Variants in XPO4 observed in about 807,000 individuals in gnomAD.
XPO4 encodes the protein exportin 4, also known as exportin-4.
A neutral mutation model predicts 143.0 loss-of-function variants in XPO4; 39 were observed. The observed-to-expected ratio is 0.27, with a 90% CI of 0.21 to 0.36. The LOEUF (loss-of-function observed/expected upper bound fraction) is 0.36. Ranked by LOEUF, XPO4 falls within the 10% of genes least tolerant of loss-of-function variation. XPO4 has a pLI of 1.00. For missense variants in XPO4, 907 were observed against 1,348.0 expected, an observed-to-expected ratio of 0.67 and a Z score of 5.12; for synonymous variants, 439 against 474.0, an observed-to-expected ratio of 0.93 and a Z score of 0.96.
At chr13:20,788,713 A>G in intron 19 of XPO4, 97 bp from the exon 20 acceptor site, 1 of 1,199,718 alleles carries the variant, frequency 8.3e-7, no homozygotes, top group Non-Finnish European at 1.1e-6. Flanking sequence ...GCTTCTAAAT[A>G]TAATGATTTC....
At chr13:20,831,752 CT>C (rs2059854366) in intron 6 of XPO4, among the ~76,000 whole-genome samples, 1 of 151,034 alleles carries the variant, frequency 6.6e-6, no homozygotes, top group Non-Finnish European at 1.5e-5. Flanking sequence ...CTTACTTTAC[CT>C]TCCCATCCAT....
chr13:20,835,002 T>G (rs2059899542), intron 6 of XPO4, among the ~76,000 whole-genome samples: 1 of 152,102 alleles, frequency 6.6e-6, no homozygotes, highest in Non-Finnish European at 1.5e-5. Context: ...TAACTTAGTT[T>G]TTTGTTTGTT....
At chr13:20,879,041 AAAGCTAAAACAG>A in intron 1 of XPO4, 1 of 929,750 alleles carries the variant, frequency 1.1e-6, no homozygotes, top group Non-Finnish European at 1.3e-6. Context: ...GGAATCATCA[AAAGCTAAAACAG>A]AAGCGAACGC....
At chr13:20,846,358 G>A (rs9315918) in intron 4 of XPO4, among the ~76,000 whole-genome samples, 14,201 of 152,212 alleles carry the variant, frequency 0.093, 823 homozygotes, top group Non-Finnish European at 0.13. Flanking sequence ...GAGTGAAGGA[G>A]AGGGGCAGGG....
chr13:20,880,680 G>C (rs578196169), intron 1 of XPO4, among the ~76,000 whole-genome samples: 8 of 152,264 alleles, frequency 5.3e-5, no homozygotes, highest in African/African-American at 9.6e-5. Context: ...GAAGCGGTAG[G>C]GGGCAGTGGC....
At chr13:20,790,775 A>C (rs1290700151) in intron 18 of XPO4, among the ~76,000 whole-genome samples, 195 bp from the exon 19 acceptor site, 1 of 152,214 alleles carries the variant, frequency 6.6e-6, no homozygotes, top group African/African-American at 2.4e-5. Context: ...GGTGAAAAAA[A>C]GATCTGAGAC....
At chr13:20,810,082 T>A in intron 9 of XPO4, 115 bp from the exon 10 acceptor site, 1 of 827,390 alleles carries the variant, frequency 1.2e-6, no homozygotes, top group Non-Finnish European at 1.7e-6. Flanking sequence ...AGCTTCCCAA[T>A]TATTGATAAG....
At chr13:20,795,989 T>G in intron 18 of XPO4, 87 bp downstream of exon 18, 112 of 1,334,190 alleles carry the variant, frequency 8.4e-5, no homozygotes, top group Non-Finnish European at 1.1e-4. Context: ...AATTTCCTCA[T>G]GAGATGTCTC....
intron 1 of XPO4, among the ~76,000 whole-genome samples, chr13:20,884,288 G>C (rs2060440974): frequency 6.6e-6 from 1 of 152,184 alleles, no homozygotes; most frequent in African/African-American, 2.4e-5. Context: ...GCTGAAGCAG[G>C]ATTACTTGAG....
chr13:20,862,620 C>T (rs2060212220), intron 3 of XPO4, 97 bp downstream of exon 3: 4 of 1,498,538 alleles, frequency 2.7e-6, no homozygotes, highest in East Asian at 4.6e-5. Flanking sequence ...GCCACTATAC[C>T]CACCCAAAAG....
At chr13:20,829,454 G>A (rs978949280) in intron 6 of XPO4, among the ~76,000 whole-genome samples, 2 of 151,948 alleles carry the variant, frequency 1.3e-5, no homozygotes, top group Non-Finnish European at 2.9e-5. Context: ...AAATAAATGG[G>A]TTCACATAAC....
rs184767516 is a variant in XPO4, at chr13:20,880,665, G to A, written c.70-11964C>T. On this transcript the variant is annotated intron_variant, in intron 1 of 22. Transcript: ENST00000255305. Reference sequence around the variant, plus strand: ...ATGGAATATTCTTCAGAAATAAAAAGGAATGAAGCGGTAGGGGGCAGTGGC... The same window carrying A: ...ATGGAATATTCTTCAGAAATAAAAAAGAATGAAGCGGTAGGGGGCAGTGGC... Among the ~76,000 whole-genome samples, 597 of 152,222 alleles carry A rather than the reference G, an allele frequency of 3.9e-3. 3 individuals are homozygous for A. Among genetic ancestry groups the A allele is most frequent in the African/African-American group, 0.014 (566 of 41,538 alleles).
chr13:20,863,867 T>C (rs1220966677), intron 2 of XPO4, among the ~76,000 whole-genome samples: 4 of 152,298 alleles, frequency 2.6e-5, no homozygotes, highest in South Asian at 2.1e-4. Flanking sequence ...TGAAGATATA[T>C]ACAGTCAAGC....
At chr13:20,816,179 T>C (rs969487940) in intron 9 of XPO4, among the ~76,000 whole-genome samples, 3 of 152,162 alleles carry the variant, frequency 2.0e-5, no homozygotes, top group African/African-American at 7.2e-5. Flanking sequence ...ACAAATAATA[T>C]TTGTGCTGCA....
chr13:20,829,055 T>G (rs1396144676), intron 6 of XPO4, among the ~76,000 whole-genome samples: 1 of 152,208 alleles, frequency 6.6e-6, no homozygotes, highest in African/African-American at 2.4e-5. Context: ...AAGGCTATAG[T>G]ATATGAAATA....
intron 5 of XPO4, 65 bp downstream of exon 5, chr13:20,843,705 A>C: frequency 1.8e-6 from 2 of 1,122,250 alleles, no homozygotes; most frequent in Non-Finnish European, 2.7e-6. Context: ...TCATGTCATT[A>C]GGAATAGATT....
At chr13:20,886,497 A>G (rs2060462725) in intron 1 of XPO4, among the ~76,000 whole-genome samples, 1 of 152,056 alleles carries the variant, frequency 6.6e-6, no homozygotes, top group South Asian at 2.1e-4. Context: ...CTGTAATCCC[A>G]GTTACTCGGG....
intron 3 of XPO4, 129 bp from the exon 4 acceptor site, chr13:20,855,894 A>C: frequency 1.0e-6 from 1 of 1,001,262 alleles, no homozygotes; most frequent in Non-Finnish European, 1.4e-6. Context: ...CCAAAGGGTT[A>C]TGTACAGACT....
chr13:20,828,046 T>A (rs1441838373), intron 6 of XPO4, among the ~76,000 whole-genome samples: 3 of 152,188 alleles, frequency 2.0e-5, no homozygotes, highest in African/African-American at 7.2e-5. Flanking sequence ...GAGACCAGCC[T>A]GGCCAACATG....
Sources: allele counts gnomAD v4.1 joint callset (sites outside exome capture counted in the v4.1 genomes callset), GRCh38; gene constraint gnomAD v4.1.1; transcripts MANE v1.5; gene names NCBI Gene and HGNC (gene_info 2026-07-23, HGNC 2026-07-21).